Variants in HMBOX1 observed in about 807,000 individuals in gnomAD.
The protein encoded by HMBOX1 is homeobox containing 1.
HMBOX1 carries 14 observed loss-of-function variants against 54.5 expected under a neutral mutation model. The observed-to-expected ratio is 0.26, with a 90% CI of 0.17 to 0.40. The LOEUF (loss-of-function observed/expected upper bound fraction) is 0.40, where lower values mean the gene tolerates loss of function less well. Ranked by LOEUF, HMBOX1 falls within the 10% of genes least tolerant of loss-of-function variation. The pLI is 1.00. For synonymous variants in HMBOX1, 160 were observed against 181.0 expected, an observed-to-expected ratio of 0.88 and a Z score of 0.93; for missense variants, 332 against 514.4, an observed-to-expected ratio of 0.65 and a Z score of 3.43.
intron 6 of HMBOX1, among the ~76,000 whole-genome samples, chr8:29,020,768 T>A (rs1019578265): frequency 2.0e-5 from 3 of 152,212 alleles, no homozygotes; most frequent in African/African-American, 4.8e-5. Context: ...AAATGACATA[T>A]AAAATTCCTA....
chr8:29,023,859 T>G (rs915046747), intron 6 of HMBOX1, among the ~76,000 whole-genome samples: 1 of 152,184 alleles, frequency 6.6e-6, no homozygotes, highest in African/African-American at 2.4e-5. Context: ...TTTAAAACTA[T>G]CAGGGGGCTT....
At chr8:29,019,962 T>C (rs1381946859) in intron 6 of HMBOX1, among the ~76,000 whole-genome samples, 1 of 152,242 alleles carries the variant, frequency 6.6e-6, no homozygotes, top group African/African-American at 2.4e-5. Flanking sequence ...AATGAGACTA[T>C]AGGTTATCCA....
chr8:29,029,311 T>G (rs1186210407), intron 6 of HMBOX1, among the ~76,000 whole-genome samples: 2 of 152,204 alleles, frequency 1.3e-5, no homozygotes, highest in East Asian at 1.9e-4. Context: ...TCAGTAAGAT[T>G]ACACCTAGCC....
chr8:29,019,575 A>G (rs759950071), intron 6 of HMBOX1, among the ~76,000 whole-genome samples: 2 of 152,186 alleles, frequency 1.3e-5, no homozygotes, highest in East Asian at 1.9e-4. Context: ...TTTTGTTTCA[A>G]TGGAATTTTG....
At chr8:28,972,492 G>A (rs1348253988) in intron 3 of HMBOX1, among the ~76,000 whole-genome samples, 2 of 152,138 alleles carry the variant, frequency 1.3e-5, no homozygotes, top group Non-Finnish European at 1.5e-5. Context: ...ATGTTGTTAC[G>A]ATTAAGAGGG....
At chr8:28,918,823 A>G (rs142076044) in intron 1 of HMBOX1, among the ~76,000 whole-genome samples, 1 of 152,324 alleles carries the variant, frequency 6.6e-6, no homozygotes, top group East Asian at 1.9e-4. Context: ...GAATAAACAC[A>G]TAAGGTCTGC....
chr8:29,031,495 CTTATATAT>C (rs1802953605), intron 6 of HMBOX1, among the ~76,000 whole-genome samples: 1 of 150,920 alleles, frequency 6.6e-6, no homozygotes, highest in South Asian at 2.1e-4. Flanking sequence ...AATAATTTAC[CTTATATAT>C]TTAATAGTCT....
intron 4 of HMBOX1, among the ~76,000 whole-genome samples, chr8:29,008,569 C>G (rs1312052947): frequency 6.6e-6 from 1 of 151,942 alleles, no homozygotes; most frequent in Non-Finnish European, 1.5e-5. Context: ...CAAAAAAAAA[C>G]CTTATTGAAG....
At chr8:29,031,001 T>C (rs2133174730) in intron 6 of HMBOX1, among the ~76,000 whole-genome samples, 1 of 152,354 alleles carries the variant, frequency 6.6e-6, no homozygotes, top group Middle Eastern at 3.4e-3. Flanking sequence ...ATTGCTTCCT[T>C]CTTCCTTATA....
At chr8:28,924,450 ATTTTTTT>A (rs201997388) in intron 1 of HMBOX1, among the ~76,000 whole-genome samples, 208 of 127,858 alleles carry the variant, frequency 1.6e-3, no homozygotes, top group African/African-American at 5.2e-3. Flanking sequence ...AATTTATCTA[ATTTTTTT>A]TTTTTTTTTT....
chr8:28,902,325 A>G (rs917031091), intron 1 of HMBOX1, among the ~76,000 whole-genome samples: 3 of 152,080 alleles, frequency 2.0e-5, no homozygotes, highest in Non-Finnish European at 2.9e-5. Flanking sequence ...CAGAGAAATG[A>G]CATTCTTTCC....
intron 1 of HMBOX1, among the ~76,000 whole-genome samples, chr8:28,907,474 G>A (rs773394809): frequency 1.6e-4 from 24 of 152,138 alleles, no homozygotes; most frequent in Non-Finnish European, 3.1e-4. Flanking sequence ...CCTTTTTATA[G>A]ATATGTATTG....
intron 1 of HMBOX1, among the ~76,000 whole-genome samples, chr8:28,913,515 A>G (rs1246762780): frequency 1.3e-5 from 2 of 152,078 alleles, no homozygotes; most frequent in Non-Finnish European, 2.9e-5. Context: ...ATACTTCCCT[A>G]GATTAGGTTA....
chr8:28,892,420 CTTA>C (rs2131467738), intron 1 of HMBOX1, among the ~76,000 whole-genome samples: 1 of 152,150 alleles, frequency 6.6e-6, no homozygotes, highest in South Asian at 2.1e-4. Context: ...TTTGTACTTC[CTTA>C]TTAAGTTCTT....
chr8:29,021,379 G>A (rs981665236), intron 6 of HMBOX1, among the ~76,000 whole-genome samples: 3 of 151,732 alleles, frequency 2.0e-5, no homozygotes, highest in Non-Finnish European at 4.4e-5. Context: ...TGATAAATAT[G>A]ATTACATAAA....
At chr8:29,032,907 A>G (rs1424600690) in intron 6 of HMBOX1, among the ~76,000 whole-genome samples, 1 of 151,578 alleles carries the variant, frequency 6.6e-6, no homozygotes, top group Admixed American at 6.6e-5. Flanking sequence ...AAGGCATTCA[A>G]ATCAATTCGA....
intron 1 of HMBOX1, among the ~76,000 whole-genome samples, chr8:28,909,095 TA>T (rs777937494): frequency 5.9e-3 from 768 of 129,268 alleles, no homozygotes; most frequent in Admixed American, 6.0e-3. Flanking sequence ...ACCCTATCTC[TA>T]AAAAAAAAAA....
In HMBOX1 at chr8:29,018,749, G is replaced by C; in HGVS notation, c.698-11G>C. 1.2e-6 allele frequency: 2 copies of C among 1,608,800 alleles called. No individual in the cohort carries two copies. Among genetic ancestry groups the C allele is most frequent in the Non-Finnish European group, 1.7e-6 (2 of 1,176,642 alleles). On this transcript the variant is annotated splice_polypyrimidine_tract_variant and intron_variant, in intron 5 of 9. Coordinates refer to ENST00000287701, the MANE Select transcript of HMBOX1 (RefSeq NM_001135726.3). ...GCAAGATATTTGCTAAAAGTGTCTTGTTTATTTCAGGCGCTACACTAAGTA... is the reference window on the plus strand; with the variant it reads ...GCAAGATATTTGCTAAAAGTGTCTTCTTTATTTCAGGCGCTACACTAAGTA...
chr8:28,922,316 A>T (rs925758324), intron 1 of HMBOX1, among the ~76,000 whole-genome samples: 1 of 152,218 alleles, frequency 6.6e-6, no homozygotes, highest in Non-Finnish European at 1.5e-5. Context: ...GCTATTTTAC[A>T]TAAGGGATTT....
Sources: allele counts gnomAD v4.1 joint callset (sites outside exome capture counted in the v4.1 genomes callset), GRCh38; gene constraint gnomAD v4.1.1; transcripts MANE v1.5; gene names NCBI Gene and HGNC (gene_info 2026-07-23, HGNC 2026-07-21).